The following ABCA13 variants were observed in gnomAD, a reference collection of about 807,000 sequenced individuals.
ABCA13 encodes ATP-binding cassette sub-family A member 13.
In ABCA13, 476 loss-of-function variants were observed where a neutral mutation model predicts 478.7. The ratio of observed to expected loss-of-function variants is 0.99; its 90% confidence interval spans 0.92 to 1.07. ABCA13 has a LOEUF of 1.07. Among genes scored for constraint, ABCA13 ranks in the 50% least tolerant of loss-of-function variants. The probability of loss-of-function intolerance (pLI) is 0.00; values close to 1 mark genes in which losing one functional copy is unlikely to be tolerated. For missense variants in ABCA13, 6,060 were observed against 5,910.6 expected (o/e 1.03, Z -0.83); for synonymous variants, 2,252 against 2,158.9 (o/e 1.04, Z -1.20).
chr7:48,303,816 A>G (rs1482612186), intron 23 of ABCA13, among the ~76,000 whole-genome samples: 1 of 152,120 alleles, frequency 6.6e-6, no homozygotes, highest in African/African-American at 2.4e-5. Flanking sequence ...TCTCAACTTC[A>G]TCAGTCACCA....
At chr7:48,501,383 G>T (rs1001826723) in intron 48 of ABCA13, among the ~76,000 whole-genome samples, 1 of 152,164 alleles carries the variant, frequency 6.6e-6, no homozygotes, top group Admixed American at 6.6e-5. Flanking sequence ...AAGCAGAAAG[G>T]CCCCATTCCA....
chr7:48,298,512 T>TGTTTTGCTCATGGAAG (rs765340801), intron 23 of ABCA13, 25 bp downstream of exon 23: 5 of 1,602,948 alleles, frequency 3.1e-6, no homozygotes, highest in Non-Finnish European at 4.3e-6. Flanking sequence ...CTTGTCTGTC[T>TGTTTTGCTCATGGAAG]GTTTTGCTCA....
chr7:48,586,601 C>G (rs1789205485), intron 56 of ABCA13, among the ~76,000 whole-genome samples: 1 of 152,106 alleles, frequency 6.6e-6, no homozygotes, highest in South Asian at 2.1e-4. Flanking sequence ...GGGCGTGTGA[C>G]AAGGGGTGAA....
chr7:48,604,944 G>A lies in ABCA13; in HGVS notation c.14744+10131G>A, dbSNP rs532402415. Among the ~76,000 whole-genome samples, 12 of 152,278 alleles carry A rather than the reference G, an allele frequency of 7.9e-5. No homozygotes were observed. In the South Asian group the frequency reaches 2.3e-3, roughly 29 times the overall value. ...GGTGAATAAATATTTAGGATAGTTAGCTCTTCTTGTTGCATTGATCCCTTT... is the reference window on the plus strand; with the variant it reads ...GGTGAATAAATATTTAGGATAGTTAACTCTTCTTGTTGCATTGATCCCTTT... On this transcript the variant is annotated intron_variant, in intron 58 of 61. Coordinates refer to ENST00000435803, the MANE Select transcript of ABCA13 (RefSeq NM_152701.5).
chr7:48,175,745 A>G lies in ABCA13; in HGVS notation c.69+4193A>G. Among the ~76,000 whole-genome samples, 2 of 152,126 alleles carry G rather than the reference A, an allele frequency of 1.3e-5. 1 individual carries two copies. Among genetic ancestry groups the G allele is most frequent in the Non-Finnish European group, 2.9e-5 (2 of 68,006 alleles). On this transcript the variant is annotated intron_variant, in intron 1 of 61. Coordinates refer to ENST00000435803, the MANE Select transcript of ABCA13 (RefSeq NM_152701.5). Reference sequence around the variant, plus strand: ...CTATGTGATATATCATTGTTATTATATAGTCATCCTATAGTCATATAGAGC... The same window carrying G: ...CTATGTGATATATCATTGTTATTATGTAGTCATCCTATAGTCATATAGAGC...
At chr7:48,357,915 G>T (rs763303065) in intron 31 of ABCA13, among the ~76,000 whole-genome samples, 4 of 151,536 alleles carry the variant, frequency 2.6e-5, no homozygotes, top group Non-Finnish European at 5.9e-5. Context: ...AGGCCGAGGC[G>T]GGCAGATCAC....
chr7:48,411,302 T>G (rs1445413578), intron 40 of ABCA13, among the ~76,000 whole-genome samples: 1 of 129,544 alleles, frequency 7.7e-6, no homozygotes, highest in Non-Finnish European at 1.7e-5. Flanking sequence ...TTCTTTTCTT[T>G]TCTTTTCTTT....
intron 3 of ABCA13, among the ~76,000 whole-genome samples, chr7:48,212,800 T>TA (rs1272456859): frequency 6.6e-6 from 1 of 152,174 alleles, no homozygotes; most frequent in African/African-American, 2.4e-5. Flanking sequence ...ATTGAATTCT[T>TA]AGAGTTTTTT....
intron 15 of ABCA13, among the ~76,000 whole-genome samples, chr7:48,262,178 G>A (rs1484804916): frequency 1.3e-5 from 2 of 152,064 alleles, no homozygotes; most frequent in East Asian, 1.9e-4. Flanking sequence ...TTCCAGTAAT[G>A]TTGTTACATC....
At chr7:48,629,354 G>A (rs754805722) in intron 59 of ABCA13, among the ~76,000 whole-genome samples, 5 of 152,064 alleles carry the variant, frequency 3.3e-5, no homozygotes, top group South Asian at 4.1e-4. Flanking sequence ...CAAGGAAATG[G>A]ATTTCTTTAT....
intron 47 of ABCA13, among the ~76,000 whole-genome samples, chr7:48,487,336 A>T (rs1829420766): frequency 4.4e-5 from 2 of 45,230 alleles, no homozygotes; most frequent in East Asian, 9.2e-4. Context: ...AAACAAAACA[A>T]AAAAAACAAA....
intron 3 of ABCA13, among the ~76,000 whole-genome samples, chr7:48,200,136 G>T (rs1472870394): frequency 6.6e-6 from 1 of 151,912 alleles, no homozygotes; most frequent in African/African-American, 2.4e-5. Context: ...AGGCCGAGGC[G>T]GGCAGATCAC....
At chr7:48,493,046 C>T (rs1411200326) in intron 48 of ABCA13, among the ~76,000 whole-genome samples, 1 of 152,022 alleles carries the variant, frequency 6.6e-6, no homozygotes, top group Non-Finnish European at 1.5e-5. Context: ...CTCAGGTATT[C>T]TATTATAGCA....
chr7:48,219,217 G>T, intron 3 of ABCA13, 137 bp from the exon 4 acceptor site: 1 of 763,114 alleles, frequency 1.3e-6, no homozygotes. Flanking sequence ...GGTGAAATGG[G>T]CTCTCAGGGT....
chr7:48,450,935 C>T (rs10260644), intron 42 of ABCA13, among the ~76,000 whole-genome samples: 44,804 of 150,356 alleles, frequency 0.3, 6,742 homozygotes, highest in East Asian at 0.38. Flanking sequence ...AATACCTACA[C>T]ATTAAATACT....
At chr7:48,528,151 G>T in intron 54 of ABCA13, 85 bp from the exon 55 acceptor site, 1 of 1,183,202 alleles carries the variant, frequency 8.5e-7, no homozygotes, top group Non-Finnish European at 1.2e-6. Context: ...TGCTGTTTCT[G>T]ATATAATTTT....
chr7:48,455,060 A>G lies in ABCA13; in HGVS notation c.12589A>G (p.Thr4197Ala). 1.3e-6 allele frequency: 2 copies of G among 1,537,258 alleles called. No homozygotes were observed. Among genetic ancestry groups the G allele is most frequent in the Non-Finnish European group, 1.7e-6 (2 of 1,143,234 alleles). Residue 4197 changes from threonine to alanine, a missense_variant, in exon 43 of 62, where the codon ACT becomes GCT. Transcript: ENST00000435803. Reference protein sequence around the residue: ...GYCGSLARPATVQGVQLLRAQ... With the variant: ...GYCGSLARPAAVQGVQLLRAQ... ...AGGTGGCTCCCTAGCACGGCCCGCA[A>G]CTGTGCAGGGCGTCCAGCTGCTCCG...
intron 15 of ABCA13, among the ~76,000 whole-genome samples, chr7:48,253,388 T>G (rs1269335316): frequency 6.6e-6 from 1 of 152,194 alleles, no homozygotes; most frequent in East Asian, 1.9e-4. Context: ...AACTTGAAAT[T>G]GATACACATC....
At chr7:48,204,740 A>C (rs946071663) in intron 3 of ABCA13, among the ~76,000 whole-genome samples, 1 of 152,022 alleles carries the variant, frequency 6.6e-6, no homozygotes, top group African/African-American at 2.4e-5. Context: ...TTCCTCTTCT[A>C]TATGCAGTCA....
Sources: allele counts gnomAD v4.1 joint callset (sites outside exome capture counted in the v4.1 genomes callset), GRCh38; gene constraint gnomAD v4.1.1; transcripts MANE v1.5; gene names NCBI Gene and HGNC (gene_info 2026-07-23, HGNC 2026-07-21).